Variants in OXNAD1 observed in about 807,000 individuals in gnomAD.
The protein encoded by OXNAD1 is oxidoreductase NAD binding domain containing 1, also known as oxidoreductase NAD-binding domain-containing protein 1.
A neutral mutation model predicts 32.9 loss-of-function variants in OXNAD1; 34 were observed. The ratio of observed to expected loss-of-function variants is 1.03; its 90% CI spans 0.79 to 1.38. The LOEUF (loss-of-function observed/expected upper bound fraction) is 1.38, where lower values mean the gene tolerates loss of function less well. OXNAD1 is among the 40% of genes most tolerant of loss of function. The probability of loss-of-function intolerance (pLI) is 0.00; values close to 1 mark genes in which losing one functional copy is unlikely to be tolerated. For synonymous variants in OXNAD1, 134 were observed against 135.2 expected, an observed-to-expected ratio of 0.99 and a Z score of 0.06; for missense variants, 407 against 379.4, an observed-to-expected ratio of 1.07 and a Z score of -0.60.
At chr3:16,333,730 A>G (rs2070558387) in intron 9 of OXNAD1, among the ~76,000 whole-genome samples, 1 of 152,230 alleles carries the variant, frequency 6.6e-6, no homozygotes, top group Non-Finnish European at 1.5e-5. Context: ...ATTACAGAAA[A>G]AAAAGGGCTT....
Position 16,294,857 on chromosome 3 carries a change from G to T in OXNAD1, c.292G>T (p.Val98Phe), listed in dbSNP as rs141416035. 1.2e-6 allele frequency: 2 copies of T among 1,600,868 alleles called. No individual in the cohort carries two copies. Among genetic ancestry groups the T allele is most frequent in the Non-Finnish European group, 1.7e-6 (2 of 1,174,154 alleles). ...QDFSFKAGQW[V>F]DFFIPGVSVV... ...TCATTTATTTGGCTTTCTTTTTAGG[G>T]TTGATTTCTTTATTCCAGGAGTCTC... Residue 98 changes from valine to phenylalanine, a missense_variant and splice_region_variant, in exon 6 of 9, where the codon GTT becomes TTT. Val to Phe is a conservative substitution (Grantham distance 50). Transcript: ENST00000285083.
intron 2 of OXNAD1, 123 bp from the exon 3 acceptor site, chr3:16,270,822 G>A: frequency 1.4e-6 from 2 of 1,399,686 alleles, no homozygotes; most frequent in South Asian, 1.4e-5. Context: ...TGCTTTGGTG[G>A]TAACTTGACT....
intron 9 of OXNAD1, among the ~76,000 whole-genome samples, chr3:16,332,731 T>A (rs964970730): frequency 2.6e-5 from 4 of 152,226 alleles, no homozygotes; most frequent in African/African-American, 9.6e-5. Flanking sequence ...TTTGCTAAAT[T>A]AGTTAGATTC....
rs1285224894 is a variant in OXNAD1, at chr3:16,334,429, A to C, written c.*31-2683A>C. ...CTTCTGGGAATTTAACCTACGTATT[A>C]AAAAATGAGAAATGCACAGAGTTAT... On this transcript the variant is annotated intron_variant, in intron 9 of 9. Coordinates refer to the OXNAD1 transcript ENST00000435829. This position sits in a 1 kb window ranked among gnomAD's most constrained non-coding sequence, Gnocchi z 4.3. 1.3e-5 allele frequency among the ~76,000 whole-genome samples: 2 copies of C among 152,196 alleles called. No individual in the cohort carries two copies. Among genetic ancestry groups the C allele is most frequent in the Non-Finnish European group, 2.9e-5 (2 of 68,042 alleles).
At position 16,303,646 on chromosome 3, in the gene OXNAD1, A is replaced by C. The variant is rs114449618; in HGVS notation, c.*84A>C. On this transcript the variant is annotated 3_prime_UTR_variant, in exon 9 of 9. Transcript: ENST00000285083. This position sits in a 1 kb window ranked among gnomAD's most constrained non-coding sequence, Gnocchi z 4.8. ...CTTTGTGGCATGATTAATTTTTTTT[A>C]TCTCTACTTGAGTTGTCTTATTTTT... is the stretch of plus-strand genomic sequence containing the variant. 872 of 1,411,788 alleles carry C rather than the reference A, an allele frequency of 6.2e-4. 2 individuals are homozygous for C. The African/African-American group carries it at 0.011, about 17-fold the overall frequency. 87.5% of individuals were successfully genotyped at this position (1,411,788 alleles called of 1,614,324 possible).
At chr3:16,351,537 G>T (rs2072104101), downstream of OXNAD1, among the ~76,000 whole-genome samples, 1 of 152,180 alleles carries the variant, frequency 6.6e-6, no homozygotes, top group Admixed American at 6.5e-5. The surrounding 1 kb of genome is among the most constrained non-coding windows in gnomAD (Gnocchi z 5.4). Context: ...AGGCTGTAAT[G>T]ATACCCTAAG....
chr3:16,295,031 G>T (rs1488376172), intron 6 of OXNAD1, 34 bp downstream of exon 6: 1 of 1,564,616 alleles, frequency 6.4e-7, no homozygotes, highest in African/African-American at 1.4e-5. Context: ...GCGATGATCT[G>T]GGTATCTCTG....
intron 9 of OXNAD1, among the ~76,000 whole-genome samples, chr3:16,318,615 G>A (rs184709054): frequency 1.3e-5 from 2 of 151,624 alleles, no homozygotes; most frequent in East Asian, 3.9e-4. Flanking sequence ...TACATTATAG[G>A]ATTCTTGGAT....
intron 4 of OXNAD1, among the ~76,000 whole-genome samples, chr3:16,276,882 T>G (rs1185981433): frequency 6.6e-6 from 1 of 151,900 alleles, no homozygotes; most frequent in Non-Finnish European, 1.5e-5. Flanking sequence ...CAGGAAATTT[T>G]TAGTTGCATC....
In OXNAD1 at chr3:16,345,817, T is replaced by TGTGTGTGTGCGCGCGCGC. The variant is rs1160939614; in HGVS notation, c.*31-3358_*31-3357insTGTGTGTGCGCGCGCGCG. 1.3e-5 allele frequency among the ~76,000 whole-genome samples: 1 copy of TGTGTGTGTGCGCGCGCGC among 74,540 alleles called. No individual in the cohort carries two copies. Among genetic ancestry groups the TGTGTGTGTGCGCGCGCGC allele is most frequent in the African/African-American group, 5.5e-5 (1 of 18,090 alleles). The allele number at this position is 74,540 out of a possible 152,430, so 48.9% of individuals were successfully genotyped here. On this transcript the variant is annotated intron_variant, in intron 9 of 9. Transcript: ENST00000606098. The surrounding 1 kb of genome is among the most constrained non-coding windows in gnomAD (Gnocchi z 5.2). Reference sequence around the variant, plus strand: ...GTGTGTGTGTGTGTGTGTGTGTGTGTGCGCGCGCGCGTGCGCGCACGCGCA... The same window carrying TGTGTGTGTGCGCGCGCGC: ...GTGTGTGTGTGTGTGTGTGTGTGTGTGTGTGTGTGCGCGCGCGCGCGCGCGCGCGTGCGCGCACGCGCA...
chr3:16,329,253 G>A lies in OXNAD1; in HGVS notation c.*31-7859G>A, dbSNP rs932807630. Among the ~76,000 whole-genome samples, 4 of 152,210 alleles carry A rather than the reference G, an allele frequency of 2.6e-5. No homozygotes were observed. The highest frequency in any genetic ancestry group is 4.4e-5 in the Non-Finnish European group (3 of 68,034). On this transcript the variant is annotated intron_variant, in intron 9 of 9. Coordinates refer to the OXNAD1 transcript ENST00000435829. This position sits in a 1 kb window ranked among gnomAD's most constrained non-coding sequence, Gnocchi z 4.5. ...TGGACTTCCCAGCCTCCAGGACCAG[G>A]AGCCAAGAACTGTCTGTCCTTTATA...
Position 16,277,155 on chromosome 3 carries a change from C to T in OXNAD1, c.183+5433C>T, listed in dbSNP as rs2065399718. 1.3e-5 allele frequency among the ~76,000 whole-genome samples: 2 copies of T among 152,054 alleles called. No homozygotes were observed. The highest frequency in any genetic ancestry group is 2.9e-5 in the Non-Finnish European group (2 of 68,010). ...TGTTGGCCAGGCTTGTCTTGAACTCCTGACCTCATGATCTGCCCTCCTCGG... is the reference window on the plus strand; with the variant it reads ...TGTTGGCCAGGCTTGTCTTGAACTCTTGACCTCATGATCTGCCCTCCTCGG... On this transcript the variant is annotated intron_variant, in intron 4 of 8. Transcript: ENST00000285083. This position sits in a 1 kb window ranked among gnomAD's most constrained non-coding sequence, Gnocchi z 4.3.
Position 16,317,395 on chromosome 3 carries a change from A to G in OXNAD1, c.*30+13803A>G, listed in dbSNP as rs2280247. Among the ~76,000 whole-genome samples the G allele has an allele frequency of 0.25, 37,700 of 151,444 alleles. 6,224 individuals carry two copies. Among genetic ancestry groups the G allele is most frequent in the African/African-American group, 0.48 (19,742 of 41,208 alleles). ...AGGCACCAAACTTGAATCGCACACT[A>G]TCACATCACACCCACCCCAAGAGCC... On this transcript the variant is annotated intron_variant, in intron 9 of 9. Transcript: ENST00000435829. This position sits in a 1 kb window ranked among gnomAD's most constrained non-coding sequence, Gnocchi z 4.3.
chr3:16,307,755 T>A (rs927223837), downstream of OXNAD1, among the ~76,000 whole-genome samples: 2 of 134,998 alleles, frequency 1.5e-5, no homozygotes, highest in African/African-American at 6.0e-5. Context: ...TTTGAAGTAA[T>A]TTTAGATTTA....
intron 5 of OXNAD1, among the ~76,000 whole-genome samples, chr3:16,291,431 C>T (rs911021780): frequency 8.5e-5 from 13 of 152,254 alleles, no homozygotes; most frequent in East Asian, 5.8e-4. Context: ...TCCTCCTGCC[C>T]GGCTTAGATG....
At chr3:16,267,930 T>C (rs1011933803) in intron 1 of OXNAD1, among the ~76,000 whole-genome samples, 1 of 152,250 alleles carries the variant, frequency 6.6e-6, no homozygotes, top group African/African-American at 2.4e-5. Context: ...TTTTACTACA[T>C]ATTTAATGGG....
chr3:16,281,612 A>G (rs572771246), intron 4 of OXNAD1, among the ~76,000 whole-genome samples: 1 of 152,346 alleles, frequency 6.6e-6, no homozygotes, highest in African/African-American at 2.4e-5. Flanking sequence ...ACAGCATCCA[A>G]ATGAAAATAT....
rs1010079641 is a variant in OXNAD1 at position 16,314,762 on chromosome 3, T to C, written c.*30+11170T>C. The C allele has an allele frequency of 1.2e-4, 18 of 152,144 alleles. No individual in the cohort carries two copies. The highest frequency in any genetic ancestry group is 4.3e-4 in the African/African-American group (18 of 41,422). The allele number at this position is 152,144 out of a possible 1,614,324, so 9.4% of individuals were successfully genotyped here. On this transcript the variant is annotated intron_variant, in intron 9 of 9. Transcript: ENST00000435829. The surrounding 1 kb of genome is among the most constrained non-coding windows in gnomAD (Gnocchi z 4.4). ...AAATGTCAATTAATTAATTGAAAAATGTACCCAAAGCTGAGCAATGTAAGG... is the reference window on the plus strand; with the variant it reads ...AAATGTCAATTAATTAATTGAAAAACGTACCCAAAGCTGAGCAATGTAAGG...
rs9817227 is a variant in OXNAD1, at chr3:16,317,729, C to T, written c.*30+14137C>T. ...GGGGCAGACACTGTGCTGTACCGCT[C>T]AGATCCCCCCACAGGACTGGCGGGC... On this transcript the variant is annotated intron_variant, in intron 9 of 9. Transcript: ENST00000435829. This position sits in a 1 kb window ranked among gnomAD's most constrained non-coding sequence, Gnocchi z 4.3. Among the ~76,000 whole-genome samples, 35,774 of 152,054 alleles carry T rather than the reference C, an allele frequency of 0.24. 5,894 individuals are homozygous for T. The highest frequency in any genetic ancestry group is 0.48 in the African/African-American group (19,690 of 41,418).
Sources: gnomAD v4.1 joint callset for allele counts (sites outside exome capture counted in the v4.1 genomes callset) on GRCh38, gnomAD v4.1.1 for gene constraint, Gnocchi (gnomAD v3.1) non-coding constraint, MANE v1.5 for transcripts, NCBI Gene and HGNC (gene_info 2026-07-23, HGNC 2026-07-21) for gene names.